MARCHF10: variants seen among roughly 807,000 people sequenced by gnomAD.
The protein encoded by MARCHF10 is probable E3 ubiquitin-protein ligase MARCHF10.
Under a neutral mutation model 76.2 loss-of-function variants are expected in MARCHF10, and 64 were observed. The ratio of observed to expected loss-of-function variants is 0.84; its 90% CI spans 0.69 to 1.03. The LOEUF is 1.03. Ranked by LOEUF, MARCHF10 falls within the 50% of genes least tolerant of loss-of-function variation. MARCHF10 has a pLI of 0.00. For missense variants in MARCHF10, 875 were observed against 958.0 expected, an observed-to-expected ratio of 0.91 and a Z score of 1.14; for synonymous variants, 340 against 357.5, an observed-to-expected ratio of 0.95 and a Z score of 0.55.
chr17:62,773,556 A>T (rs1021870783), intron 3 of MARCHF10, among the ~76,000 whole-genome samples: 1 of 152,036 alleles, frequency 6.6e-6, no homozygotes, highest in Admixed American at 6.6e-5. Context: ...TTGCTGAGAG[A>T]TCTCAGATCA....
At chr17:62,732,249 C>T (rs1045987084) in intron 6 of MARCHF10, among the ~76,000 whole-genome samples, 3 of 152,144 alleles carry the variant, frequency 2.0e-5, no homozygotes, top group Admixed American at 2.0e-4. Context: ...CAATAAAAAT[C>T]CCAACAAGTG....
At chr17:62,785,549 T>G (rs2148101467) in intron 3 of MARCHF10, among the ~76,000 whole-genome samples, 1 of 152,234 alleles carries the variant, frequency 6.6e-6, no homozygotes, top group South Asian at 2.1e-4. Flanking sequence ...ACTAAAGAAC[T>G]TCTGCACAGC....
intron 4 of MARCHF10, among the ~76,000 whole-genome samples, chr17:62,753,837 C>T (rs1239935681): frequency 6.6e-6 from 1 of 152,160 alleles, no homozygotes. Flanking sequence ...CCCTGGAGGG[C>T]AGGCCCCGTG....
rs1260288947 is a variant in MARCHF10, at chr17:62,711,173, A to G, written c.2328+58T>C. On this transcript the variant is annotated intron_variant, in intron 9 of 10. Coordinates refer to ENST00000311269, the MANE Select transcript of MARCHF10 (RefSeq NM_152598.4). This position sits in a 1 kb window ranked among gnomAD's most constrained non-coding sequence, Gnocchi z 4.4. ...TCAACAGCTTGCACATCTAATAAAC[A>G]GCACTGCAGGGTTTTCAGGGCTGCC... 1 of 1,402,108 alleles carries G rather than the reference A, an allele frequency of 7.1e-7. No homozygotes were observed. The highest frequency in any genetic ancestry group is 1.2e-5 in the South Asian group (1 of 86,400). The allele number at this position is 1,402,108 out of a possible 1,614,324, so 86.9% of individuals were successfully genotyped here.
chr17:62,805,911 A>T (rs948320844), intron 1 of MARCHF10, among the ~76,000 whole-genome samples: 21 of 125,730 alleles, frequency 1.7e-4, no homozygotes, highest in South Asian at 6.9e-4. Context: ...TCAAAAATAA[A>T]AAAAAATAAT....
intron 3 of MARCHF10, among the ~76,000 whole-genome samples, chr17:62,784,737 A>G (rs1256025162): frequency 2.0e-5 from 3 of 152,164 alleles, no homozygotes; most frequent in Non-Finnish European, 2.9e-5. Flanking sequence ...ATAACAGACA[A>G]ACAGACAGCC....
chr17:62,770,099 T>C (rs898661532), intron 3 of MARCHF10, among the ~76,000 whole-genome samples: 1 of 152,214 alleles, frequency 6.6e-6, no homozygotes, highest in Non-Finnish European at 1.5e-5. Flanking sequence ...AGCTCCCACT[T>C]ATAAGTGAGA....
At chr17:62,719,017 C>T (rs1217653794) in intron 8 of MARCHF10, among the ~76,000 whole-genome samples, 1 of 152,148 alleles carries the variant, frequency 6.6e-6, no homozygotes, top group Non-Finnish European at 1.5e-5. Flanking sequence ...AAATTTTAAA[C>T]AAGGAAACTG....
intron 8 of MARCHF10, among the ~76,000 whole-genome samples, chr17:62,719,863 T>G (rs2090397453): frequency 6.6e-6 from 1 of 152,220 alleles, no homozygotes; most frequent in African/African-American, 2.4e-5. Context: ...TTTCTTTTCT[T>G]TTTTTCCAAT....
intron 2 of MARCHF10, among the ~76,000 whole-genome samples, chr17:62,792,293 C>T (rs900568522): frequency 5.5e-4 from 84 of 151,976 alleles, no homozygotes; most frequent in Admixed American, 5.4e-3. Context: ...CACGACAATC[C>T]CCAGCTCTGC....
chr17:62,764,286 C>G lies in MARCHF10; in HGVS notation c.211-4280G>C, dbSNP rs143640694. Among the ~76,000 whole-genome samples the G allele has an allele frequency of 1.7e-4, 26 of 152,282 alleles. No homozygotes were observed. In the East Asian group the frequency reaches 5.0e-3, roughly 29 times the overall value. On this transcript the variant is annotated intron_variant, in intron 3 of 10. Transcript: ENST00000311269. ...TGGCTCCTTTCCAAGAACCGGCAAACTGGTTCTTAACTGATATGCCATTTC... is the reference window on the plus strand; with the variant it reads ...TGGCTCCTTTCCAAGAACCGGCAAAGTGGTTCTTAACTGATATGCCATTTC...
intron 4 of MARCHF10, among the ~76,000 whole-genome samples, chr17:62,758,802 T>C (rs1380567031): frequency 1.3e-5 from 2 of 152,224 alleles, no homozygotes; most frequent in African/African-American, 4.8e-5. Flanking sequence ...TTGCACACTG[T>C]TGACGAATTC....
chr17:62,796,246 C>A (rs2092983413), intron 2 of MARCHF10, among the ~76,000 whole-genome samples: 1 of 152,124 alleles, frequency 6.6e-6, no homozygotes, highest in African/African-American at 2.4e-5. Context: ...CCCGCCTCTG[C>A]CTCCCCAAGT....
Position 62,711,405 on chromosome 17 carries a change from G to C in MARCHF10, c.2215-61C>G. 1 of 1,502,714 alleles carries C rather than the reference G, an allele frequency of 6.7e-7. No homozygotes were observed. The highest frequency in any genetic ancestry group is 9.2e-7 in the Non-Finnish European group (1 of 1,083,808). 93.1% of individuals were successfully genotyped at this position (1,502,714 alleles called of 1,614,324 possible). On this transcript the variant is annotated intron_variant, in intron 8 of 10. Coordinates refer to ENST00000311269, the MANE Select transcript of MARCHF10 (RefSeq NM_152598.4). This position sits in a 1 kb window ranked among gnomAD's most constrained non-coding sequence, Gnocchi z 4.4. Reference sequence around the variant, plus strand: ...TAAAATAGTCATGGTCTAAATTGTGGGATGCAGGGTAACAAGGCTAAGAGG... The same window carrying C: ...TAAAATAGTCATGGTCTAAATTGTGCGATGCAGGGTAACAAGGCTAAGAGG...
At chr17:62,737,395 G>T in intron 5 of MARCHF10, 63 bp from the exon 6 acceptor site, 1 of 1,488,426 alleles carries the variant, frequency 6.7e-7, no homozygotes, top group Non-Finnish European at 9.2e-7. Flanking sequence ...AAGGCCTCTA[G>T]CACCAAGTGC....
intron 1 of MARCHF10, among the ~76,000 whole-genome samples, chr17:62,803,479 G>A (rs2093111255): frequency 1.3e-5 from 2 of 151,962 alleles, no homozygotes; most frequent in Admixed American, 6.6e-5. Flanking sequence ...AAAGGAGGAG[G>A]AGGTGGAGGA....
intron 2 of MARCHF10, among the ~76,000 whole-genome samples, chr17:62,798,838 G>A (rs945590965): frequency 5.9e-5 from 9 of 152,212 alleles, no homozygotes; most frequent in Non-Finnish European, 1.0e-4. Context: ...ACCAATGAGA[G>A]GCCTGTGGAT....
intron 3 of MARCHF10, among the ~76,000 whole-genome samples, chr17:62,773,569 A>G (rs1348149851): frequency 6.6e-6 from 1 of 152,176 alleles, no homozygotes; most frequent in East Asian, 1.9e-4. Context: ...TCAGATCACA[A>G]TTAAATGCGG....
chr17:62,704,895 C>T, intron 10 of MARCHF10: 1 of 979,918 alleles, frequency 1.0e-6, no homozygotes, highest in Non-Finnish European at 1.2e-6. Flanking sequence ...AAGTTCTTCC[C>T]GAGTCTGACT....
Sources: gnomAD v4.1 joint callset for allele counts (sites outside exome capture counted in the v4.1 genomes callset) on GRCh38, gnomAD v4.1.1 for gene constraint, Gnocchi (gnomAD v3.1) non-coding constraint, MANE v1.5 for transcripts, NCBI Gene and HGNC (gene_info 2026-07-23, HGNC 2026-07-21) for gene names.